Variants in PIGB observed in about 807,000 individuals in gnomAD.
PIGB encodes the protein GPI alpha-1,2-mannosyltransferase 3.
In PIGB, 58 loss-of-function variants were observed where a neutral mutation model predicts 68.4. That is an observed-to-expected ratio of 0.85 (90% confidence interval 0.69 to 1.06). The LOEUF is 1.06. PIGB is among the 50% of genes least tolerant of loss of function. The pLI is 0.00. For synonymous variants in PIGB, 219 were observed against 220.5 expected (o/e 0.99, Z 0.06); for missense variants, 634 against 655.8 (o/e 0.97, Z 0.36).
intron 2 of PIGB, 48 bp downstream of exon 2, chr15:55,320,458 G>A: frequency 6.4e-7 from 1 of 1,570,824 alleles, no homozygotes; most frequent in Non-Finnish European, 8.7e-7. Context: ...TATTCATCTT[G>A]GAAATTGTGC....
intron 1 of PIGB, 110 bp from the exon 2 acceptor site, chr15:55,320,165 G>A (rs916123642): frequency 5.3e-6 from 5 of 937,398 alleles, no homozygotes; most frequent in Non-Finnish European, 4.8e-6. Flanking sequence ...AGGGACCAGA[G>A]GTCACTACTG....
rs1282120155 is a variant in PIGB, at chr15:55,327,487, A to G, written c.418-44A>G. 42 of 1,288,356 alleles carry G rather than the reference A, an allele frequency of 3.3e-5. 1 individual carries two copies. Among genetic ancestry groups the G allele is most frequent in the Non-Finnish European group, 3.9e-5 (35 of 902,576 alleles). The allele number at this position is 1,288,356 out of a possible 1,614,324, so 79.8% of individuals were successfully genotyped here. ...CTTTTATCATAATTCAGTTTGAACC[A>G]ACAGATATTTTTAACATCCTGTTCT... On this transcript the variant is annotated intron_variant, in intron 3 of 11. Transcript: ENST00000164305.
At chr15:55,331,795 C>T (rs1459359400) in intron 5 of PIGB, among the ~76,000 whole-genome samples, 2 of 152,050 alleles carry the variant, frequency 1.3e-5, no homozygotes, top group African/African-American at 4.8e-5. Flanking sequence ...CCTCCCACCA[C>T]GGCCTCTTAA....
At chr15:55,337,477 C>T (rs1164859559) in intron 6 of PIGB, among the ~76,000 whole-genome samples, 1 of 152,206 alleles carries the variant, frequency 6.6e-6, no homozygotes, top group African/African-American at 2.4e-5. Context: ...CTACTGTGAA[C>T]TGCACATGCA....
chr15:55,327,691 A>G lies in PIGB; in HGVS notation c.522+56A>G, dbSNP rs925166490. ...CCAGTTATTTCGTTCCTATGGGTAT[A>G]AAGCACATGGAAACATTGATTCCCA... is the stretch of plus-strand genomic sequence containing the variant. On this transcript the variant is annotated intron_variant, in intron 4 of 11. Transcript: ENST00000164305. The G allele has an allele frequency of 9.1e-6, 9 of 985,224 alleles. No homozygotes were observed. The African/African-American group carries it at 1.1e-4, about 12-fold the overall frequency. The allele number at this position is 985,224 out of a possible 1,614,324, so 61.0% of individuals were successfully genotyped here. A position where few individuals can be genotyped will look rare whatever the true frequency, so the allele number is the denominator to read the frequency against.
chr15:55,353,424 CATAA>C (rs2055971082), intron 10 of PIGB, among the ~76,000 whole-genome samples: 1 of 152,158 alleles, frequency 6.6e-6, no homozygotes, highest in Non-Finnish European at 1.5e-5. Context: ...TTATGCATTT[CATAA>C]ATAAACCTCC....
At chr15:55,352,544 T>C (rs1252357385) in intron 10 of PIGB, among the ~76,000 whole-genome samples, 1 of 152,120 alleles carries the variant, frequency 6.6e-6, no homozygotes, top group Non-Finnish European at 1.5e-5. Context: ...CCTAGCACTT[T>C]GTGAGGCCGA....
intron 3 of PIGB, among the ~76,000 whole-genome samples, chr15:55,322,321 T>A (rs551235556): frequency 6.7e-4 from 102 of 152,340 alleles, no homozygotes; most frequent in South Asian, 4.6e-3. Context: ...AACTTTAAAA[T>A]TTTTAATTTG....
chr15:55,342,917 A>AT (rs2055704439), intron 9 of PIGB, among the ~76,000 whole-genome samples: 1 of 152,320 alleles, frequency 6.6e-6, no homozygotes, highest in South Asian at 2.1e-4. Flanking sequence ...CTTCCTTCAA[A>AT]TATTAAGACC....
At chr15:55,324,674 A>G (rs1330867409) in intron 3 of PIGB, 3 of 223,994 alleles carry the variant, frequency 1.3e-5, no homozygotes, top group African/African-American at 4.7e-5. Flanking sequence ...ATTAACTTAC[A>G]TTTCTCAGAG....
chr15:55,335,670 G>C (rs2055518152), intron 6 of PIGB, among the ~76,000 whole-genome samples: 1 of 152,156 alleles, frequency 6.6e-6, no homozygotes, highest in Non-Finnish European at 1.5e-5. Flanking sequence ...CCATGATAAG[G>C]TGACACTGGA....
intron 9 of PIGB, among the ~76,000 whole-genome samples, chr15:55,342,207 G>A (rs1381676168): frequency 6.6e-6 from 1 of 152,142 alleles, no homozygotes; most frequent in African/African-American, 2.4e-5. Context: ...TGGTGGTGGT[G>A]TTTCTCACTA....
rs1484172269 is a variant in PIGB, at chr15:55,336,458, A to G, written c.794+2451A>G. ...ACTTAACACATCTAACGTACTGAACATCACAGCTTAGCCTACCATAAACGT... is the reference window on the plus strand; with the variant it reads ...ACTTAACACATCTAACGTACTGAACGTCACAGCTTAGCCTACCATAAACGT... On this transcript the variant is annotated intron_variant, in intron 6 of 11. Coordinates refer to ENST00000164305, the MANE Select transcript of PIGB (RefSeq NM_004855.5). Among the ~76,000 whole-genome samples, 4 of 152,338 alleles carry G rather than the reference A, an allele frequency of 2.6e-5. No individual in the cohort carries two copies. In the East Asian group the frequency reaches 5.8e-4, roughly 22 times the overall value.
intron 9 of PIGB, among the ~76,000 whole-genome samples, chr15:55,344,890 C>CTT (rs1164109873): frequency 0.013 from 1,288 of 98,830 alleles, 9 homozygotes; most frequent in African/African-American, 0.016. Flanking sequence ...ATATTCTTAT[C>CTT]TTTTTTTTTT....
At chr15:55,347,640 G>C (rs577313814) in intron 9 of PIGB, among the ~76,000 whole-genome samples, 2 of 152,258 alleles carry the variant, frequency 1.3e-5, no homozygotes, top group East Asian at 1.9e-4. Flanking sequence ...CTGTCCCCAA[G>C]AAAACTAAGC....
Position 55,355,275 on chromosome 15 carries a change from T to C in PIGB, c.1519-11T>C. 6.3e-7 allele frequency: 1 copy of C among 1,593,660 alleles called. No individual in the cohort carries two copies. Among genetic ancestry groups the C allele is most frequent in the Non-Finnish European group, 8.6e-7 (1 of 1,167,728 alleles). ...TAGCCTTTATTTACTTAAACATTTA[T>C]TTGCTTCTAGGAAATAAGCGCTTTC... On this transcript the variant is annotated splice_polypyrimidine_tract_variant and intron_variant, in intron 11 of 11. Transcript: ENST00000164305.
At chr15:55,340,895 G>A (rs552129883) in intron 8 of PIGB, 72 bp downstream of exon 8, 2 of 1,036,200 alleles carry the variant, frequency 1.9e-6, no homozygotes, top group East Asian at 2.6e-5. Context: ...TCTTCAAAAA[G>A]TAAACTTTAT....
At chr15:55,330,344 G>A (rs538921821) in intron 5 of PIGB, among the ~76,000 whole-genome samples, 1 of 152,336 alleles carries the variant, frequency 6.6e-6, no homozygotes. Context: ...AGCCACTGAT[G>A]CTGTCCATTC....
At chr15:55,352,148 A>ATGT (rs1168633119) in intron 10 of PIGB, among the ~76,000 whole-genome samples, 1 of 151,736 alleles carries the variant, frequency 6.6e-6, no homozygotes, top group African/African-American at 2.4e-5. Context: ...GGGTTTCTCC[A>ATGT]TGTTGGTCAG....
Sources: gnomAD v4.1 joint callset for allele counts (sites outside exome capture counted in the v4.1 genomes callset) on GRCh38, gnomAD v4.1.1 for gene constraint, MANE v1.5 for transcripts, NCBI Gene and HGNC (gene_info 2026-07-23, HGNC 2026-07-21) for gene names.